VPS13B: variants seen among roughly 807,000 people sequenced by gnomAD.
VPS13B encodes intermembrane lipid transfer protein VPS13B.
VPS13B carries 285 observed loss-of-function variants against 426.4 expected under a neutral mutation model. The observed-to-expected ratio is 0.67, with a 90% CI of 0.61 to 0.74. VPS13B has a LOEUF of 0.74. VPS13B is among the 30% of genes least tolerant of loss of function. The pLI, the probability that VPS13B is intolerant of heterozygous loss-of-function variation, is 0.00. For synonymous variants in VPS13B, 1,676 were observed against 1,676.4 expected (o/e 1.00, Z 0.01); for missense variants, 4,537 against 4,782.6 (o/e 0.95, Z 1.51).
At chr8:99,807,260 G>T (rs1470934583) in intron 43 of VPS13B, among the ~76,000 whole-genome samples, 2 of 152,222 alleles carry the variant, frequency 1.3e-5, no homozygotes, top group African/African-American at 4.8e-5. Flanking sequence ...GTCTTTAAAA[G>T]CTGTGTACAC....
At chr8:99,061,339 A>G (rs924749975) in intron 3 of VPS13B, among the ~76,000 whole-genome samples, 6 of 50,086 alleles carry the variant, frequency 1.2e-4, no homozygotes, top group Admixed American at 3.8e-4. Context: ...TGCCATGACT[A>G]TTTTTTGAAA....
At chr8:99,616,583 T>A (rs533773736) in intron 33 of VPS13B, among the ~76,000 whole-genome samples, 1 of 152,278 alleles carries the variant, frequency 6.6e-6, no homozygotes, top group East Asian at 1.9e-4. Context: ...ATCCCAGCAC[T>A]TTGGGAGGCA....
intron 3 of VPS13B, among the ~76,000 whole-genome samples, chr8:99,089,301 C>T (rs960887963): frequency 6.6e-6 from 1 of 152,032 alleles, no homozygotes; most frequent in Non-Finnish European, 1.5e-5. Context: ...CTTTTTCATC[C>T]ATCCCTGCCT....
At chr8:99,069,839 T>A (rs1326434012) in intron 3 of VPS13B, among the ~76,000 whole-genome samples, 1 of 152,214 alleles carries the variant, frequency 6.6e-6, no homozygotes, top group Non-Finnish European at 1.5e-5. Flanking sequence ...TTGAAAAAAA[T>A]TCTCTTGCTC....
chr8:99,362,274 T>C (rs1298347747), intron 19 of VPS13B, among the ~76,000 whole-genome samples: 5 of 151,700 alleles, frequency 3.3e-5, no homozygotes, highest in African/African-American at 9.7e-5. Context: ...CCTGAGTAGC[T>C]GGGACTACAG....
At chr8:99,724,377 C>T (rs1329055065) in intron 39 of VPS13B, among the ~76,000 whole-genome samples, 2 of 152,156 alleles carry the variant, frequency 1.3e-5, no homozygotes, top group Non-Finnish European at 2.9e-5. Context: ...TGGTTCTATA[C>T]TAGAGGCACA....
intron 16 of VPS13B, among the ~76,000 whole-genome samples, chr8:99,173,389 C>A (rs1416753803): frequency 1.3e-5 from 2 of 152,002 alleles, no homozygotes; most frequent in Non-Finnish European, 1.5e-5. Flanking sequence ...GATACTGGGA[C>A]CTTCAAGTCT....
At chr8:99,054,548 C>T (rs370461418) in intron 3 of VPS13B, among the ~76,000 whole-genome samples, 13 of 152,134 alleles carry the variant, frequency 8.5e-5, no homozygotes, top group East Asian at 1.9e-4. Flanking sequence ...TGATGCACAA[C>T]GTATTTAATT....
chr8:99,054,186 A>G (rs1355257273), intron 3 of VPS13B, among the ~76,000 whole-genome samples: 2 of 152,240 alleles, frequency 1.3e-5, no homozygotes, highest in Non-Finnish European at 2.9e-5. Flanking sequence ...TTTTGCATAT[A>G]TACTGAGAAG....
chr8:99,853,132 T>C (rs1368541192), intron 55 of VPS13B, among the ~76,000 whole-genome samples: 1 of 152,140 alleles, frequency 6.6e-6, no homozygotes, highest in African/African-American at 2.4e-5. Context: ...TCTCTTTCTG[T>C]CTTGTGATCA....
intron 17 of VPS13B, among the ~76,000 whole-genome samples, chr8:99,268,799 G>C (rs151081720): frequency 3.3e-5 from 5 of 152,170 alleles, no homozygotes; most frequent in African/African-American, 1.2e-4. Context: ...TGGGATTTTG[G>C]GGGGGCCAGG....
At chr8:99,168,476 CTTTA>C (rs1229092619) in intron 15 of VPS13B, among the ~76,000 whole-genome samples, 1 of 151,984 alleles carries the variant, frequency 6.6e-6, no homozygotes, top group Non-Finnish European at 1.5e-5. Context: ...AAAATATTAT[CTTTA>C]TTCATAACTC....
Position 99,501,905 on chromosome 8 carries a change from TC to T in VPS13B, c.4042+50del, listed in dbSNP as rs760311166. Reference sequence around the variant, plus strand: ...TTCCCTCCCTCCCTCTGTCCCTCCCTCCCTCCCTCCCTCCCTCCCTCCCTTC... The same window carrying T: ...TTCCCTCCCTCCCTCTGTCCCTCCCTCCTCCCTCCCTCCCTCCCTCCCTTC... On this transcript the variant is annotated intron_variant, in intron 26 of 61. Transcript: ENST00000357162. 4 of 1,233,372 alleles carry T rather than the reference TC, an allele frequency of 3.2e-6. No homozygotes were observed. In the South Asian group the frequency reaches 4.0e-5, roughly 12 times the overall value. The allele number at this position is 1,233,372 out of a possible 1,614,324, so 76.4% of individuals were successfully genotyped here. A position where few individuals can be genotyped will look rare whatever the true frequency, so the allele number is the denominator to read the frequency against.
chr8:99,687,220 A>T (rs1831452079), intron 35 of VPS13B, among the ~76,000 whole-genome samples: 1 of 151,816 alleles, frequency 6.6e-6, no homozygotes. Flanking sequence ...GCTGTGGCTG[A>T]GCTGGTATCC....
At chr8:99,673,891 T>G (rs1420507700) in intron 35 of VPS13B, among the ~76,000 whole-genome samples, 1 of 152,070 alleles carries the variant, frequency 6.6e-6, no homozygotes, top group Non-Finnish European at 1.5e-5. Context: ...GTTATTTAAT[T>G]TCCATAAACT....
intron 36 of VPS13B, among the ~76,000 whole-genome samples, chr8:99,715,603 A>G (rs895028626): frequency 3.9e-5 from 6 of 152,208 alleles, no homozygotes; most frequent in Non-Finnish European, 5.9e-5. Flanking sequence ...TTGGCATTAA[A>G]CACTGTGTAC....
chr8:99,294,537 TAATAAAAATAAAATAAAATAA>T (rs1165219522), intron 19 of VPS13B, among the ~76,000 whole-genome samples: 1 of 150,804 alleles, frequency 6.6e-6, no homozygotes, highest in African/African-American at 2.4e-5. Context: ...ACTTAAAGTA[TAATAAAAATAAAATAAAATAA>T]AATAAAAATA....
chr8:99,360,126 CT>C (rs1812425692), intron 19 of VPS13B, among the ~76,000 whole-genome samples: 1 of 17,540 alleles, frequency 5.7e-5, no homozygotes, highest in Non-Finnish European at 1.2e-4. Flanking sequence ...CCTTATCTTT[CT>C]TTCTTTCTTT....
At chr8:99,183,980 G>A (rs1813081377) in intron 16 of VPS13B, among the ~76,000 whole-genome samples, 1 of 152,126 alleles carries the variant, frequency 6.6e-6, no homozygotes, top group African/African-American at 2.4e-5. Context: ...CTCTAGACAT[G>A]TTCTGTCCCT....
Sources: allele counts gnomAD v4.1 joint callset (sites outside exome capture counted in the v4.1 genomes callset), GRCh38; gene constraint gnomAD v4.1.1; transcripts MANE v1.5; gene names NCBI Gene and HGNC (gene_info 2026-07-23, HGNC 2026-07-21).